The following AVEN variants were observed in gnomAD, a reference collection of about 807,000 sequenced individuals.
AVEN encodes the protein cell death regulator Aven.
Under a neutral mutation model 38.1 loss-of-function variants are expected in AVEN, and 41 were observed. That is an observed-to-expected ratio of 1.08 (90% CI 0.84 to 1.40). The LOEUF is 1.40. Ranked by LOEUF, AVEN falls within the 40% of genes most tolerant of loss-of-function variation. The probability of loss-of-function intolerance (pLI) is 0.00; values close to 1 mark genes in which losing one functional copy is unlikely to be tolerated. For synonymous variants in AVEN, 206 were observed against 171.8 expected (o/e 1.20, Z -1.56); for missense variants, 605 against 438.8 (o/e 1.38, Z -3.38).
chr15:33,851,890 T>G, the AVEN span: 1 of 152,182 alleles, frequency 6.6e-6, no homozygotes, highest in East Asian at 1.9e-4. Flanking sequence ...GTCAAAATAA[T>G]TGTTATTTTC....
At chr15:33,918,230 T>C (rs1893230772) in intron 2 of AVEN, among the ~76,000 whole-genome samples, 1 of 152,120 alleles carries the variant, frequency 6.6e-6, no homozygotes, top group African/African-American at 2.4e-5. Flanking sequence ...TTGGCAGGAC[T>C]GGAAAAAATT....
At chr15:33,978,708 G>A (rs1345269006) in intron 2 of AVEN, among the ~76,000 whole-genome samples, 1 of 151,948 alleles carries the variant, frequency 6.6e-6, no homozygotes, top group African/African-American at 2.4e-5. Flanking sequence ...ATAAAATTAA[G>A]GTGTACAAAT....
chr15:33,908,185 CTA>C (rs1881684807), intron 2 of AVEN, among the ~76,000 whole-genome samples: 2 of 152,046 alleles, frequency 1.3e-5, no homozygotes, highest in African/African-American at 4.8e-5. Flanking sequence ...ACTATCACCA[CTA>C]TCTGTCCCTA....
rs766645000 is a variant in AVEN at position 33,870,923 on chromosome 15, C to T, written c.612+12G>A. 2.1e-5 allele frequency: 33 copies of T among 1,605,974 alleles called. No individual in the cohort carries two copies. Among genetic ancestry groups the T allele is most frequent in the East Asian group, 1.8e-4 (8 of 44,748 alleles). ...TAATCCACCCGCTTCAAGAGGGCTT[C>T]GGGATTTTTACCTGGACCAGTTCGG... On this transcript the variant is annotated intron_variant, in intron 4 of 5. Coordinates refer to ENST00000306730, the MANE Select transcript of AVEN (RefSeq NM_020371.3).
At chr15:33,866,888 G>A (rs1890585082) in intron 5 of AVEN, among the ~76,000 whole-genome samples, 160 bp from the exon 6 acceptor site, 1 of 152,162 alleles carries the variant, frequency 6.6e-6, no homozygotes, top group South Asian at 2.1e-4. Context: ...AAGCTGGGTA[G>A]AGGATTTGCT....
downstream of AVEN, chr15:33,854,918 G>T (rs2079482943): frequency 2.5e-6 from 4 of 1,607,448 alleles, no homozygotes; most frequent in Non-Finnish European, 3.4e-6. Flanking sequence ...AACAGGTATG[G>T]TTTCTACTGA....
At chr15:34,038,631 G>T in intron 1 of AVEN, 149 bp downstream of exon 1, 1 of 432,262 alleles carries the variant, frequency 2.3e-6, no homozygotes, top group Non-Finnish European at 3.1e-6. Context: ...GCGCCCCCGC[G>T]CCACCATCCG....
At position 33,959,081 on chromosome 15, in the gene AVEN, C is replaced by T. The variant is rs554608208; in HGVS notation, c.445+43951G>A. Among the ~76,000 whole-genome samples, 333 of 152,310 alleles carry T rather than the reference C, an allele frequency of 2.2e-3. 3 individuals are homozygous for T. Among genetic ancestry groups the T allele is most frequent in the African/African-American group, 7.8e-3 (325 of 41,568 alleles). On this transcript the variant is annotated intron_variant, in intron 2 of 5. Transcript: ENST00000306730. Reference sequence around the variant, plus strand: ...GCATATGCTTGCCTCTGATTCTTCACTCAAGCTGCTTCTCACGTCTAAAAT... The same window carrying T: ...GCATATGCTTGCCTCTGATTCTTCATTCAAGCTGCTTCTCACGTCTAAAAT...
chr15:33,920,786 G>C (rs1893363933), intron 2 of AVEN, among the ~76,000 whole-genome samples: 1 of 148,706 alleles, frequency 6.7e-6, no homozygotes, highest in Admixed American at 6.7e-5. Flanking sequence ...TTTTTTTTTA[G>C]ATGAAGTCTT....
chr15:33,915,767 C>A (rs1036085022), intron 2 of AVEN, among the ~76,000 whole-genome samples: 1 of 152,204 alleles, frequency 6.6e-6, no homozygotes, highest in Non-Finnish European at 1.5e-5. Context: ...GGTTTCTCAG[C>A]CAAGAGGCTG....
chr15:33,880,364 A>G (rs1055823729), intron 2 of AVEN, among the ~76,000 whole-genome samples: 1 of 152,176 alleles, frequency 6.6e-6, no homozygotes, highest in Non-Finnish European at 1.5e-5. Flanking sequence ...TTGAGAGGCT[A>G]AAAAACAACC....
At chr15:33,996,227 C>T (rs961880715) in intron 2 of AVEN, among the ~76,000 whole-genome samples, 1 of 152,224 alleles carries the variant, frequency 6.6e-6, no homozygotes, top group Non-Finnish European at 1.5e-5. Flanking sequence ...CCTGCTGCCT[C>T]TGTAGACCCC....
At chr15:33,873,258 C>A (rs992875460) in intron 3 of AVEN, among the ~76,000 whole-genome samples, 2 of 150,794 alleles carry the variant, frequency 1.3e-5, no homozygotes, top group East Asian at 1.9e-4. Context: ...CCCCACCACG[C>A]CCAGCTAATT....
At chr15:33,903,667 T>C (rs1892574249) in intron 2 of AVEN, among the ~76,000 whole-genome samples, 1 of 152,210 alleles carries the variant, frequency 6.6e-6, no homozygotes. Flanking sequence ...CTTTGCATTG[T>C]ATAGATCTTA....
chr15:33,859,688 C>G (rs1029546335), intron 11 of AVEN: 2 of 1,613,186 alleles, frequency 1.2e-6, no homozygotes, highest in Admixed American at 3.3e-5. Context: ...TTGACATTAC[C>G]TTTTTCTTCT....
At chr15:33,921,866 AGG>A (rs1373321456) in intron 2 of AVEN, among the ~76,000 whole-genome samples, 1 of 152,164 alleles carries the variant, frequency 6.6e-6, no homozygotes, top group Non-Finnish European at 1.5e-5. Context: ...CTCAGGCTGG[AGG>A]GAGAGATTGG....
At chr15:33,955,193 A>G (rs1227876572) in intron 2 of AVEN, among the ~76,000 whole-genome samples, 2 of 152,214 alleles carry the variant, frequency 1.3e-5, no homozygotes, top group African/African-American at 4.8e-5. Flanking sequence ...TATTAGGTGT[A>G]CTTTTTTCCC....
At chr15:34,042,723 A>C (rs916288772), upstream of AVEN, among the ~76,000 whole-genome samples, 9 of 152,108 alleles carry the variant, frequency 5.9e-5, no homozygotes, top group Middle Eastern at 3.2e-3. Context: ...TTTTTTAAAT[A>C]AAATGGTAGC....
rs186607554 is a variant in AVEN, at chr15:33,898,861, G to A, written c.446-22866C>T. ...CAGAAGTCCCAGGGGGATTAACAGA[G>A]GACTTCATGGTATTCAAAAATAGTA... On this transcript the variant is annotated intron_variant, in intron 2 of 5. Transcript: ENST00000306730. Among the ~76,000 whole-genome samples, 388 of 152,258 alleles carry A rather than the reference G, an allele frequency of 2.5e-3. 2 individuals carry two copies. The highest frequency in any genetic ancestry group is 0.015 in the South Asian group (74 of 4,816).
Sources: gnomAD v4.1 joint callset for allele counts (sites outside exome capture counted in the v4.1 genomes callset) on GRCh38, gnomAD v4.1.1 for gene constraint, MANE v1.5 for transcripts, NCBI Gene and HGNC (gene_info 2026-07-23, HGNC 2026-07-21) for gene names.